ARNT2: variants seen among roughly 807,000 people sequenced by gnomAD.
ARNT2 encodes aryl hydrocarbon receptor nuclear translocator 2.
ARNT2 carries 36 observed loss-of-function variants against 91.7 expected under a neutral mutation model. The ratio of observed to expected loss-of-function variants is 0.39; its 90% confidence interval spans 0.30 to 0.52. The LOEUF (loss-of-function observed/expected upper bound fraction) is 0.52, where lower values mean the gene tolerates loss of function less well. Ranked by LOEUF, ARNT2 falls within the 20% of genes least tolerant of loss-of-function variation. The pLI is 0.72. For missense variants in ARNT2, 775 were observed against 939.3 expected, an observed-to-expected ratio of 0.83 and a Z score of 2.29; for synonymous variants, 365 against 347.1, an observed-to-expected ratio of 1.05 and a Z score of -0.57.
chr15:80,473,148 T>C (rs1896755719), intron 4 of ARNT2, among the ~76,000 whole-genome samples: 1 of 152,156 alleles, frequency 6.6e-6, no homozygotes, highest in Admixed American at 6.5e-5. Flanking sequence ...GGGCGTGAAG[T>C]AACATGCCCA....
At chr15:80,430,598 C>G (rs2141568473) in intron 1 of ARNT2, among the ~76,000 whole-genome samples, 1 of 152,332 alleles carries the variant, frequency 6.6e-6, no homozygotes, top group South Asian at 2.1e-4. Context: ...CTCAGTCCCT[C>G]TGTGCTGGCT....
In ARNT2 at chr15:80,575,139, G is replaced by C. The variant is rs72732083; in HGVS notation, c.1513+29G>C. On this transcript the variant is annotated intron_variant, in intron 14 of 18. Coordinates refer to ENST00000303329, the MANE Select transcript of ARNT2 (RefSeq NM_014862.4). The stretch of plus-strand genomic sequence containing the variant: ...AGTTTCCAAATGGTACTGAGGTTTT[G>C]AGAGTGTGGGTTTACAGTTGCTTTC... 261,368 of 1,608,718 alleles carry C rather than the reference G, an allele frequency of 0.16. 22,909 individuals carry two copies. Among genetic ancestry groups the C allele is most frequent in the South Asian group, 0.23 (20,579 of 90,724 alleles).
chr15:80,549,241 A>T (rs1024192490), intron 8 of ARNT2, among the ~76,000 whole-genome samples: 1 of 152,208 alleles, frequency 6.6e-6, no homozygotes, highest in Non-Finnish European at 1.5e-5. Context: ...TGGATTAGGG[A>T]TCTAAATGTG....
intron 8 of ARNT2, among the ~76,000 whole-genome samples, chr15:80,548,670 A>G (rs1295802551): frequency 2.0e-5 from 3 of 152,158 alleles, no homozygotes; most frequent in Non-Finnish European, 4.4e-5. Context: ...ACAGGATTAA[A>G]TACTTAGGAA....
intron 8 of ARNT2, among the ~76,000 whole-genome samples, chr15:80,527,539 G>A (rs1374589173): frequency 6.6e-6 from 1 of 152,218 alleles, no homozygotes; most frequent in Non-Finnish European, 1.5e-5. Context: ...ACAAGGACAA[G>A]GGAGATGTAA....
At position 80,563,248 on chromosome 15, in the gene ARNT2, A is replaced by G. The variant is rs1055243285; in HGVS notation, c.1316+9A>G. On this transcript the variant is annotated intron_variant, in intron 12 of 18. Coordinates refer to ENST00000303329, the MANE Select transcript of ARNT2 (RefSeq NM_014862.4). ...ACCAACACCAACGTCAAGTACGTAC[A>G]CTGCCATTTCCCTCTCCTGGAATCC... 4 of 1,613,908 alleles carry G rather than the reference A, an allele frequency of 2.5e-6. No individual in the cohort carries two copies. The African/African-American group carries it at 4.0e-5, about 16-fold the overall frequency.
intron 11 of ARNT2, among the ~76,000 whole-genome samples, chr15:80,557,996 T>C (rs1392715533): frequency 1.3e-5 from 2 of 152,360 alleles, no homozygotes; most frequent in East Asian, 3.9e-4. Flanking sequence ...CTCATCCTCA[T>C]GTGGACACTA....
chr15:80,551,016 A>C, intron 8 of ARNT2, 183 bp from the exon 9 acceptor site: 1 of 584,504 alleles, frequency 1.7e-6, no homozygotes, highest in Non-Finnish European at 3.1e-6. Context: ...AATTATCAAA[A>C]GACATCAGGC....
At chr15:80,422,193 G>C (rs1895870516) in intron 1 of ARNT2, among the ~76,000 whole-genome samples, 1 of 152,126 alleles carries the variant, frequency 6.6e-6, no homozygotes, top group African/African-American at 2.4e-5. Context: ...TTTCAGAATC[G>C]ATGAAAGTCA....
chr15:80,466,671 A>T (rs1003334038), intron 3 of ARNT2, among the ~76,000 whole-genome samples: 9 of 152,230 alleles, frequency 5.9e-5, no homozygotes, highest in African/African-American at 1.7e-4. Context: ...CGCTGCCTTG[A>T]TGAAGGCTTC....
chr15:80,429,504 G>A (rs1895979740), intron 1 of ARNT2, among the ~76,000 whole-genome samples: 3 of 152,218 alleles, frequency 2.0e-5, no homozygotes, highest in Non-Finnish European at 1.5e-5. Context: ...CCTGCCCTGT[G>A]CATGTCTTCA....
chr15:80,446,349 A>T (rs1419197549), intron 1 of ARNT2, among the ~76,000 whole-genome samples: 3 of 152,178 alleles, frequency 2.0e-5, no homozygotes, highest in Admixed American at 2.0e-4. Flanking sequence ...TCCTGATCTT[A>T]TAGAGGGGGA....
rs187756141 is a variant in ARNT2, at chr15:80,463,557, A to T, written c.194+5581A>T. On this transcript the variant is annotated intron_variant, in intron 3 of 18. Coordinates refer to ENST00000303329, the MANE Select transcript of ARNT2 (RefSeq NM_014862.4). ...GGGGTGGCTTTCTAACACCATGCTG[A>T]TATGGATGGGTGATTTCCTTTTTTT... Among the ~76,000 whole-genome samples the T allele has an allele frequency of 4.9e-4, 71 of 145,840 alleles. 2 individuals are homozygous for T. In the East Asian group the frequency reaches 0.013, roughly 27 times the overall value.
rs1267348489 is a variant in ARNT2, at chr15:80,591,394, C to T, written c.1919-174C>T. Reference sequence around the variant, plus strand: ...AGGGCTCCTGTGTCTCTTATCCACTCCATTTATGATCTGTCAGCCAGTGAG... The same window carrying T: ...AGGGCTCCTGTGTCTCTTATCCACTTCATTTATGATCTGTCAGCCAGTGAG... On this transcript the variant is annotated intron_variant, in intron 17 of 18. Coordinates refer to ENST00000303329, the MANE Select transcript of ARNT2 (RefSeq NM_014862.4). The surrounding 1 kb of genome is among the most constrained non-coding windows in gnomAD (Gnocchi z 5.1). Among the ~76,000 whole-genome samples the T allele has an allele frequency of 6.6e-6, 1 of 152,182 alleles. No individual in the cohort carries two copies. Among genetic ancestry groups the T allele is most frequent in the African/African-American group, 2.4e-5 (1 of 41,446 alleles).
At chr15:80,449,754 A>G (rs1896359719) in intron 1 of ARNT2, among the ~76,000 whole-genome samples, 2 of 152,242 alleles carry the variant, frequency 1.3e-5, no homozygotes, top group Admixed American at 1.3e-4. Context: ...CAACTGTCAC[A>G]GGACTCCCTG....
Position 80,551,023 on chromosome 15 carries a change from AG to A in ARNT2, c.878-174del, listed in dbSNP as rs140985701. The A allele has an allele frequency of 1.6e-3, 940 of 600,252 alleles. 4 individuals are homozygous for A. Among genetic ancestry groups the A allele is most frequent in the Middle Eastern group, 7.8e-3 (17 of 2,168 alleles). 37.2% of individuals were successfully genotyped at this position (600,252 alleles called of 1,614,324 possible). On this transcript the variant is annotated intron_variant, in intron 8 of 18. Coordinates refer to ENST00000303329, the MANE Select transcript of ARNT2 (RefSeq NM_014862.4). ...TACCATAAAATTATCAAAAGACATC[AG>A]GCAGAGAGAAGCAGGAACTGAGTGA...
chr15:80,564,388 A>T (rs1898434015), intron 12 of ARNT2, among the ~76,000 whole-genome samples: 1 of 151,998 alleles, frequency 6.6e-6, no homozygotes, highest in Non-Finnish European at 1.5e-5. Flanking sequence ...GGGAGTTCCC[A>T]TCTGGGCCCC....
At position 80,552,757 on chromosome 15, in the gene ARNT2, A is replaced by G. The variant is rs1414591716; in HGVS notation, c.1072A>G (p.Ile358Val). The change falls in exon 10 of 19, where the codon ATT (isoleucine) becomes GTT (valine). Residue 358 changes from isoleucine to valine, a missense_variant. Physicochemically the swap from Ile to Val is conservative, Grantham distance 29. Transcript: ENST00000303329. ...TGTGGATCCAAGATGTATCAGTGTG[A>G]TTGGCTACCAACCCCAGGTGAGTAG... ...TFVDPRCISVIGYQPQDLLGK... is the reference protein window; with the variant it reads ...TFVDPRCISVVGYQPQDLLGK... 3.7e-6 allele frequency: 6 copies of G among 1,613,908 alleles called. No individual in the cohort carries two copies. The highest frequency in any genetic ancestry group is 5.1e-6 in the Non-Finnish European group (6 of 1,179,952).
At chr15:80,504,863 C>A (rs1001747465) in intron 5 of ARNT2, among the ~76,000 whole-genome samples, 7 of 151,816 alleles carry the variant, frequency 4.6e-5, no homozygotes, top group Non-Finnish European at 1.0e-4. Flanking sequence ...GAGTGGCACA[C>A]TGGGGAGCTG....
Sources: gnomAD v4.1 joint callset for allele counts (sites outside exome capture counted in the v4.1 genomes callset) on GRCh38, gnomAD v4.1.1 for gene constraint, Gnocchi (gnomAD v3.1) non-coding constraint, MANE v1.5 for transcripts, NCBI Gene and HGNC (gene_info 2026-07-23, HGNC 2026-07-21) for gene names.